DACH2: variants seen among roughly 807,000 people sequenced by gnomAD.
DACH2 encodes the protein dachshund family transcription factor 2, also known as dachshund homolog 2.
DACH2 carries 17 observed loss-of-function variants against 35.8 expected under a neutral mutation model. The observed-to-expected ratio is 0.48, with a 90% confidence interval of 0.33 to 0.71. The LOEUF is 0.71. DACH2 is among the 30% of genes least tolerant of loss of function. The pLI is 0.02. For synonymous variants in DACH2, 195 were observed against 177.3 expected (o/e 1.10, Z -0.79); for missense variants, 469 against 472.7 (o/e 0.99, Z 0.07).
At chrX:86,631,893 C>T (rs1049527868) in intron 3 of DACH2, among the ~76,000 whole-genome samples, 1 of 110,599 alleles carries the variant, frequency 9.0e-6, no homozygotes, top group Non-Finnish European at 1.9e-5. Flanking sequence ...TAAATCAAAT[C>T]CTTGCTTACT....
intron 7 of DACH2, among the ~76,000 whole-genome samples, chrX:86,761,515 G>T: frequency 9.0e-6 from 1 of 111,285 alleles, no homozygotes; most frequent in Middle Eastern, 4.6e-3. Flanking sequence ...TAGAACCAGA[G>T]ATACCATTTG....
chrX:86,523,574 G>T (rs1182432906), intron 3 of DACH2, among the ~76,000 whole-genome samples: 1 of 111,305 alleles, frequency 9.0e-6, no homozygotes, highest in Non-Finnish European at 1.9e-5. Flanking sequence ...ATCTCTAAAG[G>T]CTTGTAGGTT....
intron 2 of DACH2, among the ~76,000 whole-genome samples, chrX:86,502,079 C>T (rs772614196): frequency 2.0e-5 from 2 of 97,977 alleles, no homozygotes; most frequent in Non-Finnish European, 3.9e-5. Flanking sequence ...TCCTTTGAAC[C>T]AAGAACTATG....
intron 7 of DACH2, among the ~76,000 whole-genome samples, chrX:86,752,938 G>T (rs2041790031): frequency 9.0e-6 from 1 of 110,794 alleles, no homozygotes; most frequent in Admixed American, 9.7e-5. Context: ...ATGACTAAGA[G>T]ATTATTAATA....
At chrX:86,311,971 C>A (rs1397277486) in intron 1 of DACH2, among the ~76,000 whole-genome samples, 1 of 110,663 alleles carries the variant, frequency 9.0e-6, no homozygotes, top group Non-Finnish European at 1.9e-5. Flanking sequence ...TCAATCCAGG[C>A]AGGATTACAA....
chrX:86,264,032 AT>A (rs2033670413), intron 1 of DACH2, among the ~76,000 whole-genome samples: 1 of 112,071 alleles, frequency 8.9e-6, no homozygotes, highest in African/African-American at 3.2e-5. Context: ...GTTGAATAAT[AT>A]TTTTAAAAAC....
At chrX:86,723,971 A>G (rs1319727220) in intron 6 of DACH2, among the ~76,000 whole-genome samples, 1 of 111,185 alleles carries the variant, frequency 9.0e-6, no homozygotes, top group Non-Finnish European at 1.9e-5. Context: ...TTTGCATGAA[A>G]TATCTTTTTT....
At chrX:86,783,092 A>G (rs753684658) in intron 7 of DACH2, among the ~76,000 whole-genome samples, 5 of 111,911 alleles carry the variant, frequency 4.5e-5, no homozygotes, top group Non-Finnish European at 7.5e-5. Context: ...AATCTGATCA[A>G]AGAAAGGGCA....
At chrX:86,227,930 ATTTC>A (rs2032862034) in intron 1 of DACH2, among the ~76,000 whole-genome samples, 1 of 109,859 alleles carries the variant, frequency 9.1e-6, no homozygotes, top group Admixed American at 9.7e-5. Flanking sequence ...TGCAATGCTG[ATTTC>A]TTTTTTTCCA....
chrX:86,479,791 T>C (rs755659109), intron 2 of DACH2, among the ~76,000 whole-genome samples: 127 of 112,631 alleles, frequency 1.1e-3, no homozygotes, highest in Middle Eastern at 4.6e-3. Flanking sequence ...ATGTCAATTG[T>C]ATTATTCAAC....
At position 86,494,914 on chromosome X, in the gene DACH2, C is replaced by T. The variant is rs777973432; in HGVS notation, c.528-19365C>T. Among the ~76,000 whole-genome samples the T allele has an allele frequency of 6.3e-5, 7 of 111,307 alleles. 1 individual carries two copies. The South Asian group carries it at 1.5e-3, about 24-fold the overall frequency. On this transcript the variant is annotated intron_variant, in intron 2 of 11. Coordinates refer to ENST00000373125, the MANE Select transcript of DACH2 (RefSeq NM_053281.3). ...ATGTAGTTTCAATATTTCTAGTGGT[C>T]GCATTTAAAAAGTAAAAAGAAACAG...
chrX:86,206,102 T>C (rs772698492), intron 1 of DACH2, among the ~76,000 whole-genome samples: 1 of 111,520 alleles, frequency 9.0e-6, no homozygotes, highest in Non-Finnish European at 1.9e-5. Flanking sequence ...GCTAGTGCAA[T>C]CTGCATTATA....
intron 1 of DACH2, among the ~76,000 whole-genome samples, chrX:86,281,410 T>G (rs1441853847): frequency 9.0e-6 from 1 of 111,527 alleles, no homozygotes; most frequent in East Asian, 2.8e-4. Context: ...CACATGATTA[T>G]CTCAGTAGAT....
At chrX:86,275,826 T>C (rs749353311) in intron 1 of DACH2, among the ~76,000 whole-genome samples, 1 of 112,161 alleles carries the variant, frequency 8.9e-6, no homozygotes, top group Non-Finnish European at 1.9e-5. Flanking sequence ...TGTGCCTGGC[T>C]TATTTCACTT....
chrX:86,821,148 C>G (rs1456808777), intron 11 of DACH2, among the ~76,000 whole-genome samples: 1 of 111,201 alleles, frequency 9.0e-6, no homozygotes, highest in South Asian at 3.8e-4. Flanking sequence ...GTTCCACTGA[C>G]TGCTTCCTAC....
intron 2 of DACH2, among the ~76,000 whole-genome samples, chrX:86,443,071 T>A (rs1199603956): frequency 2.7e-5 from 3 of 111,900 alleles, no homozygotes; most frequent in Non-Finnish European, 5.6e-5. Flanking sequence ...CTTTTGTAGT[T>A]CCATATAATT....
intron 2 of DACH2, among the ~76,000 whole-genome samples, chrX:86,465,792 A>G (rs751098525): frequency 1.8e-4 from 20 of 112,131 alleles, no homozygotes; most frequent in Non-Finnish European, 5.6e-5. Flanking sequence ...TTTTGCCTAT[A>G]TGCCATTGAT....
At chrX:86,345,626 T>C (rs1040837428) in intron 1 of DACH2, among the ~76,000 whole-genome samples, 1 of 112,213 alleles carries the variant, frequency 8.9e-6, no homozygotes, top group African/African-American at 3.2e-5. Flanking sequence ...AAGTTTTATT[T>C]AGTATTATTC....
chrX:86,341,576 C>T (rs1351987162), intron 1 of DACH2, among the ~76,000 whole-genome samples: 2 of 112,146 alleles, frequency 1.8e-5, no homozygotes, highest in Admixed American at 9.5e-5. Context: ...GGAACAATTT[C>T]GATGTTCAAG....
Sources: gnomAD v4.1 joint callset for allele counts (sites outside exome capture counted in the v4.1 genomes callset) on GRCh38, gnomAD v4.1.1 for gene constraint, MANE v1.5 for transcripts, NCBI Gene and HGNC (gene_info 2026-07-23, HGNC 2026-07-21) for gene names.